Variants in STPG2 observed in about 807,000 individuals in gnomAD.
STPG2 encodes sperm tail PG-rich repeat containing 2.
STPG2 carries 56 observed loss-of-function variants against 54.2 expected under a neutral mutation model. That is an observed-to-expected ratio of 1.03 (90% CI 0.83 to 1.29). The LOEUF (loss-of-function observed/expected upper bound fraction) is 1.29, where lower values mean the gene tolerates loss of function less well. Among genes scored for constraint, STPG2 ranks in the 50% most tolerant of loss-of-function variants. The pLI, the probability that STPG2 is intolerant of heterozygous loss-of-function variation, is 0.00. For missense variants in STPG2, 596 were observed against 544.9 expected (o/e 1.09, Z -0.93); for synonymous variants, 200 against 181.8 (o/e 1.10, Z -0.81).
At chr4:97,860,833 T>C (rs1326537714) in intron 8 of STPG2, among the ~76,000 whole-genome samples, 1 of 152,216 alleles carries the variant, frequency 6.6e-6, no homozygotes, top group African/African-American at 2.4e-5. Context: ...GTGGTAAAAG[T>C]GTGAGTCCTT....
intron 4 of STPG2, among the ~76,000 whole-genome samples, chr4:97,510,393 A>G (rs1730946350): frequency 6.6e-6 from 1 of 152,160 alleles, no homozygotes; most frequent in Non-Finnish European, 1.5e-5. Context: ...AAAAGGAAGT[A>G]AAAGTGTGGA....
At position 97,576,080 on chromosome 4, in the gene STPG2, A is replaced by G. The variant is rs111312578; in HGVS notation, c.1321-16963T>C. Among the ~76,000 whole-genome samples the G allele has an allele frequency of 5.2e-3, 785 of 152,228 alleles. 6 individuals carry two copies. The highest frequency in any genetic ancestry group is 0.02 in the Middle Eastern group (6 of 294). ...GGAGGTGAAAGATCTCTATAAGGAG[A>G]ACTACAAAACACTGCTGAAAGTAAT... On this transcript the variant is annotated intron_variant, in intron 10 of 10. Coordinates refer to ENST00000295268, the MANE Select transcript of STPG2 (RefSeq NM_174952.3).
At chr4:98,107,229 C>A (rs1739214552) in intron 4 of STPG2, among the ~76,000 whole-genome samples, 1 of 151,888 alleles carries the variant, frequency 6.6e-6, no homozygotes, top group South Asian at 2.1e-4. Flanking sequence ...TTAGAGTAAC[C>A]AAATATCTCC....
At chr4:97,632,664 A>C (rs2148934264) in intron 10 of STPG2, among the ~76,000 whole-genome samples, 1 of 152,268 alleles carries the variant, frequency 6.6e-6, no homozygotes, top group Non-Finnish European at 1.5e-5. Flanking sequence ...GCCAACAAAA[A>C]ATACTGTACC....
At chr4:97,618,039 CA>C (rs1323405263) in intron 10 of STPG2, among the ~76,000 whole-genome samples, 2 of 152,144 alleles carry the variant, frequency 1.3e-5, no homozygotes, top group Non-Finnish European at 2.9e-5. Flanking sequence ...TTCCAAAGAG[CA>C]TCCAACATGC....
chr4:97,443,928 G>A (rs1257896672), intron 4 of STPG2, among the ~76,000 whole-genome samples: 2 of 152,084 alleles, frequency 1.3e-5, no homozygotes, highest in Non-Finnish European at 2.9e-5. Flanking sequence ...AGAATAAAAT[G>A]CTTAACAAAA....
chr4:97,678,965 G>T (rs1472176658), intron 10 of STPG2, among the ~76,000 whole-genome samples: 5 of 151,838 alleles, frequency 3.3e-5, no homozygotes, highest in South Asian at 2.1e-4. Flanking sequence ...TCATCATTTT[G>T]TATGGCTGCA....
At chr4:98,133,253 G>C (rs903809225) in intron 2 of STPG2, among the ~76,000 whole-genome samples, 1 of 151,952 alleles carries the variant, frequency 6.6e-6, no homozygotes, top group Non-Finnish European at 1.5e-5. Context: ...ACATCATAAA[G>C]ATTCCTGTAA....
At chr4:97,637,746 G>A (rs1334660940) in intron 10 of STPG2, among the ~76,000 whole-genome samples, 4 of 152,078 alleles carry the variant, frequency 2.6e-5, no homozygotes, top group African/African-American at 7.2e-5. Context: ...ATTCACAATT[G>A]CTTCAAAGAG....
intron 4 of STPG2, chr4:97,441,278 T>C (rs1403156697): frequency 6.6e-6 from 1 of 152,038 alleles, no homozygotes; most frequent in Admixed American, 6.6e-5. Context: ...TTCAGCATTA[T>C]ATTTTATATG....
At chr4:97,564,905 A>G (rs935844672) in intron 10 of STPG2, among the ~76,000 whole-genome samples, 1 of 151,976 alleles carries the variant, frequency 6.6e-6, no homozygotes, top group African/African-American at 2.4e-5. Flanking sequence ...TCTGATAATT[A>G]TGTGTCTTGG....
At chr4:97,661,750 G>C (rs1228318291) in intron 10 of STPG2, among the ~76,000 whole-genome samples, 1 of 150,440 alleles carries the variant, frequency 6.6e-6, no homozygotes, top group Non-Finnish European at 1.5e-5. Flanking sequence ...AAAAAAAAAA[G>C]AACTTCTCCA....
At chr4:98,104,279 A>G (rs957496922) in intron 5 of STPG2, among the ~76,000 whole-genome samples, 1 of 152,200 alleles carries the variant, frequency 6.6e-6, no homozygotes. Context: ...ATAAGGTTCC[A>G]TCTTCCCTCA....
chr4:97,670,830 G>A (rs1188031180), intron 10 of STPG2, among the ~76,000 whole-genome samples: 1 of 152,190 alleles, frequency 6.6e-6, no homozygotes, highest in Admixed American at 6.5e-5. Context: ...TAGCTTCAAA[G>A]AAGGGGAATG....
rs1732974256 is a variant in STPG2, at chr4:97,585,492, C to A, written c.1321-26375G>T. ...TTGATCCTGTGGGTCTAACACTCCC[C>A]TCCCTTGCCCATCTAAAAAAAACTA... On this transcript the variant is annotated intron_variant, in intron 10 of 10. Coordinates refer to ENST00000295268, the MANE Select transcript of STPG2 (RefSeq NM_174952.3). 2.6e-5 allele frequency among the ~76,000 whole-genome samples: 4 copies of A among 151,944 alleles called. No individual in the cohort carries two copies. In the South Asian group the frequency reaches 8.3e-4, roughly 31 times the overall value.
rs973592589 is a variant in STPG2, at chr4:97,972,324, C to T, written c.889G>A (p.Val297Ile). 1.2e-6 allele frequency: 2 copies of T among 1,608,536 alleles called. No homozygotes were observed. The highest frequency in any genetic ancestry group is 1.1e-5 in the South Asian group (1 of 89,922). ...GGGGTAGCACAAGCTTCTTTCTGAA[C>T]CGAGAAGAAAGTCCGAGGAACAGAA... ...GSSVPRTFFS[V>I]QKEACATPGP... The change falls in exon 7 of 11, where the codon GTT becomes ATT. Residue 297 changes from valine to isoleucine, a missense_variant. Physicochemically the swap from Val to Ile is conservative, Grantham distance 29. Coordinates refer to ENST00000295268, the MANE Select transcript of STPG2 (RefSeq NM_174952.3).
intron 10 of STPG2, among the ~76,000 whole-genome samples, chr4:97,678,679 G>C (rs1013989632): frequency 6.6e-6 from 1 of 151,128 alleles, no homozygotes. Flanking sequence ...CAATGTGCAG[G>C]TTAGTTACAT....
intron 10 of STPG2, among the ~76,000 whole-genome samples, chr4:97,610,646 G>T (rs769645987): frequency 6.6e-6 from 1 of 151,974 alleles, no homozygotes; most frequent in East Asian, 1.9e-4. Flanking sequence ...AGGAGATCCG[G>T]CACCAGTCCA....
intron 4 of STPG2, among the ~76,000 whole-genome samples, chr4:97,457,204 C>T (rs535309679): frequency 1.2e-4 from 19 of 152,244 alleles, no homozygotes; most frequent in South Asian, 2.1e-4. Context: ...AGTATTTTAA[C>T]GAAACTAAAC....
Sources: allele counts gnomAD v4.1 joint callset (sites outside exome capture counted in the v4.1 genomes callset), GRCh38; gene constraint gnomAD v4.1.1; transcripts MANE v1.5; gene names NCBI Gene and HGNC (gene_info 2026-07-23, HGNC 2026-07-21).